PARD3: variants seen among roughly 807,000 people sequenced by gnomAD.
The protein encoded by PARD3 is par-3 family cell polarity regulator.
In PARD3, 75 loss-of-function variants were observed where a neutral mutation model predicts 155.4. That is an observed-to-expected ratio of 0.48 (90% CI 0.40 to 0.58). The LOEUF (loss-of-function observed/expected upper bound fraction) is 0.58, where lower values mean the gene tolerates loss of function less well. Ranked by LOEUF, PARD3 falls within the 20% of genes least tolerant of loss-of-function variation. PARD3 has a pLI of 0.00. For synonymous variants in PARD3, 576 were observed against 610.5 expected (o/e 0.94, Z 0.83); for missense variants, 1,642 against 1,721.7 (o/e 0.95, Z 0.82).
At chr10:34,225,192 C>A (rs1952523492) in intron 22 of PARD3, among the ~76,000 whole-genome samples, 2 of 152,086 alleles carry the variant, frequency 1.3e-5, no homozygotes, top group African/African-American at 4.8e-5. Flanking sequence ...ATTTCATATT[C>A]AACAACAGAC....
At chr10:34,438,896 G>A (rs142941088) in intron 5 of PARD3, among the ~76,000 whole-genome samples, 2 of 152,278 alleles carry the variant, frequency 1.3e-5, no homozygotes, top group African/African-American at 2.4e-5. Flanking sequence ...AACCAAGTGT[G>A]TGAACTGTGA....
chr10:34,684,258 T>C (rs573285259), intron 2 of PARD3, among the ~76,000 whole-genome samples: 1 of 152,326 alleles, frequency 6.6e-6, no homozygotes, highest in Admixed American at 6.5e-5. Context: ...TCCTCAGAGA[T>C]GACCAGTACT....
At chr10:34,160,271 A>G (rs1949211683) in intron 22 of PARD3, among the ~76,000 whole-genome samples, 2 of 152,228 alleles carry the variant, frequency 1.3e-5, no homozygotes, top group African/African-American at 2.4e-5. Context: ...TTGATTCTTA[A>G]AAGTAGTAAG....
At chr10:34,752,464 T>C (rs1836168523) in intron 1 of PARD3, among the ~76,000 whole-genome samples, 1 of 151,914 alleles carries the variant, frequency 6.6e-6, no homozygotes, top group Non-Finnish European at 1.5e-5. Context: ...GTCAGCCTTT[T>C]ATATTATTTA....
intron 2 of PARD3, among the ~76,000 whole-genome samples, chr10:34,656,515 C>G (rs181110257): frequency 6.6e-6 from 1 of 152,080 alleles, no homozygotes; most frequent in African/African-American, 2.4e-5. Context: ...CGGAAGAAGG[C>G]GAGAGTGCTG....
intron 3 of PARD3, among the ~76,000 whole-genome samples, chr10:34,510,062 A>C (rs968012678): frequency 6.6e-6 from 1 of 152,234 alleles, no homozygotes; most frequent in Non-Finnish European, 1.5e-5. Context: ...ATTGGTGTTT[A>C]GCATTTAACT....
At chr10:34,598,069 C>T (rs2089451614) in intron 2 of PARD3, among the ~76,000 whole-genome samples, 1 of 152,156 alleles carries the variant, frequency 6.6e-6, no homozygotes, top group Non-Finnish European at 1.5e-5. Context: ...TAAGTAACAA[C>T]TGTTACGCCT....
intron 2 of PARD3, among the ~76,000 whole-genome samples, chr10:34,621,434 T>C (rs1022074423): frequency 1.3e-5 from 2 of 152,072 alleles, no homozygotes; most frequent in African/African-American, 4.8e-5. Context: ...TGACCTCAAG[T>C]GATCCACCCA....
rs397846339 is a variant in PARD3, at chr10:34,687,846, C to CTTTTTTTTTTTTTTTTTTTT, written c.222+8452_222+8471dup. 4.7e-5 allele frequency among the ~76,000 whole-genome samples: 3 copies of CTTTTTTTTTTTTTTTTTTTT among 63,722 alleles called. 1 individual carries two copies. The highest frequency in any genetic ancestry group is 2.2e-4 in the African/African-American group (3 of 13,806). 41.8% of individuals were successfully genotyped at this position (63,722 alleles called of 152,430 possible). On this transcript the variant is annotated intron_variant, in intron 2 of 24. Coordinates refer to ENST00000374788, the MANE Select transcript of PARD3 (RefSeq NM_001184785.2). ...ATGCCCGGTCAGTTACACCTGAAAT[C>CTTTTTTTTTTTTTTTTTTTT]TTTTTTTTTTTTTTTTTTTTTTTTT...
At chr10:34,341,414 T>G (rs1347822322) in intron 16 of PARD3, among the ~76,000 whole-genome samples, 2 of 152,218 alleles carry the variant, frequency 1.3e-5, no homozygotes, top group Non-Finnish European at 2.9e-5. Context: ...TGTCATTGTT[T>G]TGGTTATATT....
chr10:34,542,263 A>G (rs2083693261), intron 2 of PARD3, among the ~76,000 whole-genome samples: 1 of 148,798 alleles, frequency 6.7e-6, no homozygotes, highest in Admixed American at 6.7e-5. Context: ...GCTTGCATTT[A>G]CCCACTGGGC....
In PARD3 at chr10:34,339,209, T is replaced by C. The variant is rs116749261; in HGVS notation, c.2409-1783A>G. On this transcript the variant is annotated intron_variant, in intron 16 of 24. Coordinates refer to ENST00000374788, the MANE Select transcript of PARD3 (RefSeq NM_001184785.2). Reference sequence around the variant, plus strand: ...CTCTGCACATGCTAACCAATTCTTTTTACCTCTTCTAGAATAATTTAAAAC... The same window carrying C: ...CTCTGCACATGCTAACCAATTCTTTCTACCTCTTCTAGAATAATTTAAAAC... Among the ~76,000 whole-genome samples the C allele has an allele frequency of 4.4e-3, 674 of 152,306 alleles. 7 individuals carry two copies. Among genetic ancestry groups the C allele is most frequent in the African/African-American group, 0.015 (639 of 41,568 alleles).
At chr10:34,652,210 G>A (rs1457565708) in intron 2 of PARD3, among the ~76,000 whole-genome samples, 1 of 152,164 alleles carries the variant, frequency 6.6e-6, no homozygotes, top group Non-Finnish European at 1.5e-5. Context: ...AGGCTCGCTG[G>A]CTGAAATTCT....
intron 22 of PARD3, among the ~76,000 whole-genome samples, chr10:34,148,577 A>G (rs770148140): frequency 2.0e-5 from 3 of 152,198 alleles, no homozygotes; most frequent in Non-Finnish European, 4.4e-5. Context: ...CTGTGGTCTC[A>G]GTGCAACATT....
rs892014494 is a variant in PARD3 at position 34,576,515 on chromosome 10, G to GA, written c.223-59357dup. ...TGATCTGAAAAGAACAGGGACAAAA[G>GA]AAAAAAAAAAGACAAAAGCTTTTTT... On this transcript the variant is annotated intron_variant, in intron 2 of 24. Transcript: ENST00000374788. Among the ~76,000 whole-genome samples the GA allele has an allele frequency of 3.4e-3, 495 of 145,758 alleles. 2 individuals are homozygous for GA. The highest frequency in any genetic ancestry group is 0.011 in the African/African-American group (449 of 39,756).
At chr10:34,543,590 A>T (rs2083812391) in intron 2 of PARD3, among the ~76,000 whole-genome samples, 1 of 152,246 alleles carries the variant, frequency 6.6e-6, no homozygotes, top group Non-Finnish European at 1.5e-5. Flanking sequence ...TGCTTTTCAA[A>T]CTATGGAAGA....
At chr10:34,786,198 T>C (rs1304783448) in intron 1 of PARD3, among the ~76,000 whole-genome samples, 3 of 152,240 alleles carry the variant, frequency 2.0e-5, no homozygotes, top group Admixed American at 6.5e-5. Flanking sequence ...GCTTTGCCCA[T>C]GAGGCTCTGT....
chr10:34,534,504 C>T (rs2083083229), intron 2 of PARD3, among the ~76,000 whole-genome samples: 1 of 152,116 alleles, frequency 6.6e-6, no homozygotes, highest in African/African-American at 2.4e-5. Flanking sequence ...CATGAGCTCT[C>T]AGTGCCTCAG....
At chr10:34,323,589 A>G (rs932130705) in intron 19 of PARD3, among the ~76,000 whole-genome samples, 1 of 152,234 alleles carries the variant, frequency 6.6e-6, no homozygotes, top group Non-Finnish European at 1.5e-5. Flanking sequence ...AAACCTTTCA[A>G]TATATGTGGG....
Sources: gnomAD v4.1 joint callset for allele counts (sites outside exome capture counted in the v4.1 genomes callset) on GRCh38, gnomAD v4.1.1 for gene constraint, MANE v1.5 for transcripts, NCBI Gene and HGNC (gene_info 2026-07-23, HGNC 2026-07-21) for gene names.